The following LRRC37A variants were observed in gnomAD, a reference collection of about 807,000 sequenced individuals.
LRRC37A encodes the protein leucine-rich repeat-containing protein 37A.
A neutral mutation model predicts 35.4 loss-of-function variants in LRRC37A; 3 were observed. That is an observed-to-expected ratio of 0.08 (90% confidence interval 0.04 to 0.22). The LOEUF is 0.22. LRRC37A is among the 10% of genes least tolerant of loss of function. The pLI, the probability that LRRC37A is intolerant of heterozygous loss-of-function variation, is 1.00. For missense variants in LRRC37A, 67 were observed against 565.3 expected (o/e 0.12, Z 8.94); for synonymous variants, 23 against 215.0 (o/e 0.11, Z 7.81).
the LRRC37A span, among the ~76,000 whole-genome samples, chr17:46,269,860 C>T: frequency 2.0e-5 from 3 of 152,178 alleles, no homozygotes; most frequent in Non-Finnish European, 2.9e-5. Context: ...AGCCTTTGAG[C>T]CCTAAAGGTT....
the LRRC37A span, among the ~76,000 whole-genome samples, chr17:46,252,515 C>T: frequency 6.7e-6 from 1 of 148,330 alleles, no homozygotes; most frequent in African/African-American, 2.4e-5. Flanking sequence ...GGCAGAGGAC[C>T]CTGCGCCTTC....
At chr17:46,281,542 G>C in the LRRC37A span, among the ~76,000 whole-genome samples, 1 of 152,134 alleles carries the variant, frequency 6.6e-6, no homozygotes, top group Non-Finnish European at 1.5e-5. Context: ...TGATCTTCCT[G>C]TCATAGCCTC....
chr17:46,271,332 A>ATTTTTTTTTTT, the LRRC37A span, among the ~76,000 whole-genome samples: 45 of 125,640 alleles, frequency 3.6e-4, no homozygotes, highest in African/African-American at 6.6e-4. Context: ...TACCTAGCTA[A>ATTTTTTTTTTT]TTTTTTTTTT....
At chr17:46,270,806 A>G in the LRRC37A span, among the ~76,000 whole-genome samples, 1 of 152,228 alleles carries the variant, frequency 6.6e-6, no homozygotes, top group South Asian at 2.1e-4. Flanking sequence ...ATTGGGGGGC[A>G]GGAGGATCGC....
intron 10 of LRRC37A, among the ~76,000 whole-genome samples, chr17:46,333,237 G>A (rs1395950626): frequency 4.7e-5 from 3 of 64,264 alleles, no homozygotes; most frequent in African/African-American, 6.4e-5. Flanking sequence ...GAGGAGGAAC[G>A]TCTCATACTC....
At chr17:46,267,095 G>T in the LRRC37A span, 53,500 of 363,922 alleles carry the variant, frequency 0.15, 35 homozygotes, top group Non-Finnish European at 0.19. Flanking sequence ...CGAGCTCTGC[G>T]CTTGCGCTTG....
At chr17:46,291,039 T>C (rs1359697292), upstream of LRRC37A, among the ~76,000 whole-genome samples, 5 of 152,272 alleles carry the variant, frequency 3.3e-5, no homozygotes, top group Admixed American at 1.3e-4. Context: ...ATGAATCTGC[T>C]TCTCTGTCTA....
the LRRC37A span, among the ~76,000 whole-genome samples, chr17:46,265,376 CTTCTTT>C: frequency 1.4e-5 from 2 of 146,642 alleles, no homozygotes; most frequent in Non-Finnish European, 3.1e-5. Flanking sequence ...TCTTCTCCTT[CTTCTTT>C]TCTCTTCCTT....
chr17:46,286,759 C>T, the LRRC37A span, among the ~76,000 whole-genome samples: 5 of 152,188 alleles, frequency 3.3e-5, no homozygotes, highest in African/African-American at 7.2e-5. Flanking sequence ...AATTTGGCTT[C>T]CTAAATTATT....
the LRRC37A span, among the ~76,000 whole-genome samples, chr17:46,266,179 T>C: frequency 6.6e-6 from 1 of 152,304 alleles, no homozygotes; most frequent in African/African-American, 2.4e-5. Context: ...ACCCACGCTG[T>C]CTTAAGCACT....
At chr17:46,327,842 A>T (rs1193598307) in intron 7 of LRRC37A, among the ~76,000 whole-genome samples, 2 of 18,450 alleles carry the variant, frequency 1.1e-4, no homozygotes, top group African/African-American at 1.8e-4. Flanking sequence ...TTTCAATATC[A>T]CTCTTCGTGG....
the LRRC37A span, among the ~76,000 whole-genome samples, chr17:46,259,019 A>ATTTTTTTTCTTTTTTTTTTTTTTTT: frequency 1.3e-5 from 1 of 79,468 alleles, no homozygotes; most frequent in Non-Finnish European, 2.2e-5. Context: ...CACCCGGCCT[A>ATTTTTTTTCTTTTTTTTTTTTTTTT]TTTTTTTTTT....
the LRRC37A span, among the ~76,000 whole-genome samples, chr17:46,253,423 G>T: frequency 2.0e-5 from 3 of 152,130 alleles, no homozygotes; most frequent in African/African-American, 7.2e-5. Flanking sequence ...GTTGTAGCCA[G>T]CCGAGATCAC....
At chr17:46,282,983 A>G in the LRRC37A span, among the ~76,000 whole-genome samples, 19,308 of 148,502 alleles carry the variant, frequency 0.13, 1,798 homozygotes, top group Non-Finnish European at 0.2. Context: ...GTCGGGTGTG[A>G]TGGCACGTGC....
chr17:46,274,489 A>C, the LRRC37A span, among the ~76,000 whole-genome samples: 1 of 152,236 alleles, frequency 6.6e-6, no homozygotes, highest in Non-Finnish European at 1.5e-5. Context: ...TGTACATAGC[A>C]GCTCCTTTCA....
chr17:46,270,975 A>G, the LRRC37A span, among the ~76,000 whole-genome samples: 4 of 152,200 alleles, frequency 2.6e-5, no homozygotes, highest in African/African-American at 7.2e-5. Flanking sequence ...AAGTGGTATA[A>G]TCTTCTAAGA....
rs1466346210 is a variant in LRRC37A, at chr17:46,317,146, G to C, written c.2907-5176G>C. ...GTTGGGTACACCTCCCAGATGGGGT[G>C]GCGGCCGGGCAGAGGCGCTCCTCAC... On this transcript the variant is annotated intron_variant, in intron 5 of 13. Coordinates refer to ENST00000320254, the Ensembl canonical transcript of LRRC37A. Among the ~76,000 whole-genome samples the C allele has an allele frequency of 7.4e-3, 594 of 80,650 alleles. 1 individual carries two copies. The highest frequency in any genetic ancestry group is 0.048 in the Middle Eastern group (7 of 146). 52.9% of individuals were successfully genotyped at this position (80,650 alleles called of 152,430 possible).
At chr17:46,290,592 G>A (rs932704767), upstream of LRRC37A, among the ~76,000 whole-genome samples, 2 of 152,082 alleles carry the variant, frequency 1.3e-5, no homozygotes, top group African/African-American at 4.8e-5. Context: ...GATTACAGGT[G>A]CCTGCCACCA....
chr17:46,279,505 T>TC, the LRRC37A span, among the ~76,000 whole-genome samples: 11,831 of 134,698 alleles, frequency 0.088, 509 homozygotes, highest in Middle Eastern at 0.14. Context: ...TCTTTCTTTT[T>TC]TTTTTTTTTT....
Sources: gnomAD v4.1 joint callset for allele counts (sites outside exome capture counted in the v4.1 genomes callset) on GRCh38, gnomAD v4.1.1 for gene constraint, MANE v1.5 for transcripts, NCBI Gene and HGNC (gene_info 2026-07-23, HGNC 2026-07-21) for gene names.